The following C19orf67 variants were observed in gnomAD, a reference collection of about 807,000 sequenced individuals.
C19orf67 encodes UPF0575 protein C19orf67.
A neutral mutation model predicts 41.4 loss-of-function variants in C19orf67; 28 were observed. The ratio of observed to expected loss-of-function variants is 0.68; its 90% CI spans 0.50 to 0.93. The LOEUF is 0.93. Ranked by LOEUF, C19orf67 falls within the 40% of genes least tolerant of loss-of-function variation. C19orf67 has a pLI of 0.00. For synonymous variants in C19orf67, 242 were observed against 203.4 expected (o/e 1.19, Z -1.62); for missense variants, 421 against 467.0 (o/e 0.90, Z 0.91).
Position 14,081,767 on chromosome 19 carries a change from C to CCCT in C19orf67, c.*64_*66dup. ...GGCTGCACTGCGAGAACGAGTGAGC[C>CCCT]CCTCCCCTGCCCCCTATTCTGGAGT... On this transcript the variant is annotated 3_prime_UTR_variant, in exon 6 of 6. Coordinates refer to ENST00000548523, the MANE Select transcript of C19orf67 (RefSeq NM_001277378.2). 1 of 1,306,784 alleles carries CCCT rather than the reference C, an allele frequency of 7.7e-7. No homozygotes were observed. The highest frequency in any genetic ancestry group is 2.1e-4 in the Middle Eastern group (1 of 4,718). 80.9% of individuals were successfully genotyped at this position (1,306,784 alleles called of 1,614,324 possible).
chr19:14,083,614 AAG>A lies in C19orf67; in HGVS notation c.481-11_481-10del. 6 of 1,535,642 alleles carry A rather than the reference AAG, an allele frequency of 3.9e-6. No homozygotes were observed. The highest frequency in any genetic ancestry group is 1.2e-5 in the South Asian group (1 of 84,048). On this transcript the variant is annotated splice_polypyrimidine_tract_variant and intron_variant, in intron 2 of 5. Transcript: ENST00000548523. The stretch of plus-strand genomic sequence containing the variant: ...TGGGAGATCTCTAACAGCTGCATAC[AAG>A]AGGGGGGTACAGTGAGATCAGCTGG...
intron 4 of C19orf67, 145 bp downstream of exon 4, chr19:14,083,092 C>T (rs1036968088): frequency 4.1e-5 from 28 of 682,178 alleles, no homozygotes; most frequent in Non-Finnish European, 6.4e-5. Context: ...CCTCCTGCCT[C>T]GGCCTCCCAA....
chr19:14,083,154 C>A, intron 4 of C19orf67, 83 bp downstream of exon 4: 3 of 1,287,054 alleles, frequency 2.3e-6, no homozygotes, highest in East Asian at 2.6e-5. Flanking sequence ...GCTCACTTTT[C>A]ACTTTGCTGG....
At position 14,085,688 on chromosome 19, in the gene C19orf67, G is replaced by C; in HGVS notation, c.-61C>G. 1 of 1,323,180 alleles carries C rather than the reference G, an allele frequency of 7.6e-7. No individual in the cohort carries two copies. The highest frequency in any genetic ancestry group is 1.0e-6 in the Non-Finnish European group (1 of 960,386). 82.0% of individuals were successfully genotyped at this position (1,323,180 alleles called of 1,614,324 possible). On this transcript the variant is annotated 5_prime_UTR_variant, in exon 1 of 6. Transcript: ENST00000548523. ...GCTTCCGCTGCTGCTCAGGTTGGCC[G>C]CGGGTTCGACCCCGCCCCGGGAGCC...
At position 14,081,758 on chromosome 19, in the gene C19orf67, C is replaced by G. The variant is rs925952691; in HGVS notation, c.*76G>C. On this transcript the variant is annotated 3_prime_UTR_variant, in exon 6 of 6. Coordinates refer to ENST00000548523, the MANE Select transcript of C19orf67 (RefSeq NM_001277378.2). Reference sequence around the variant, plus strand: ...GCGAGGCCGGGCTGCACTGCGAGAACGAGTGAGCCCCTCCCCTGCCCCCTA... The same window carrying G: ...GCGAGGCCGGGCTGCACTGCGAGAAGGAGTGAGCCCCTCCCCTGCCCCCTA... 10 of 1,266,564 alleles carry G rather than the reference C, an allele frequency of 7.9e-6. No individual in the cohort carries two copies. The African/African-American group carries it at 1.4e-4, about 18-fold the overall frequency. The allele number at this position is 1,266,564 out of a possible 1,614,324, so 78.5% of individuals were successfully genotyped here.
intron 1 of C19orf67, among the ~76,000 whole-genome samples, chr19:14,084,560 C>T (rs537157438): frequency 2.6e-5 from 4 of 151,592 alleles, no homozygotes; most frequent in South Asian, 2.1e-4. Flanking sequence ...CGGGTAGGCG[C>T]GGTGGCTCAC....
chr19:14,083,460 C>G (rs1599321816), intron 3 of C19orf67, 38 bp from the exon 4 acceptor site: 1 of 1,532,362 alleles, frequency 6.5e-7, no homozygotes, highest in Non-Finnish European at 8.7e-7. Flanking sequence ...TGAGGCTGGG[C>G]CTTGGACTCC....
At chr19:14,082,777 T>G (rs933664739) in intron 4 of C19orf67, among the ~76,000 whole-genome samples, 174 bp from the exon 5 acceptor site, 4 of 152,194 alleles carry the variant, frequency 2.6e-5, no homozygotes, top group African/African-American at 9.6e-5. Context: ...GATGAGAACT[T>G]TTATTTTGGT....
In C19orf67 at chr19:14,083,848, G is replaced by A; in HGVS notation, c.365C>T (p.Ala122Val). The A allele has an allele frequency of 7.2e-7, 1 of 1,382,100 alleles. No homozygotes were observed. Among genetic ancestry groups the A allele is most frequent in the Non-Finnish European group, 9.4e-7 (1 of 1,067,790 alleles). The allele number at this position is 1,382,100 out of a possible 1,614,324, so 85.6% of individuals were successfully genotyped here. ...SRDQVQKEQL[A>V]KAMPTFLQMC... is the part of the protein sequence containing the mutation. Reference sequence around the variant, plus strand: ...CTGTAAGAAGGTGGGCATGGCCTTGGCCAGCTGCTCCTTCTGTACTTGGTC... The same window carrying A: ...CTGTAAGAAGGTGGGCATGGCCTTGACCAGCTGCTCCTTCTGTACTTGGTC... Residue 122 changes from alanine to valine, a missense_variant, in exon 2 of 6, where the codon GCC (alanine) becomes GTC (valine). Physicochemically the swap from Ala to Val is moderately conservative, Grantham distance 64 (BLOSUM62 0). Coordinates refer to ENST00000548523, the MANE Select transcript of C19orf67 (RefSeq NM_001277378.2).
rs899849706 is a variant in C19orf67 at position 14,085,697 on chromosome 19, A to C, written c.-70T>G. ...GCTGCTCAGGTTGGCCGCGGGTTCG[A>C]CCCCGCCCCGGGAGCCTCCGACTGG... is the stretch of plus-strand genomic sequence containing the variant. On this transcript the variant is annotated 5_prime_UTR_variant, in exon 1 of 6. Transcript: ENST00000548523. 2 of 1,205,606 alleles carry C rather than the reference A, an allele frequency of 1.7e-6. No homozygotes were observed. The highest frequency in any genetic ancestry group is 2.1e-5 in the Admixed American group (1 of 46,600). The allele number at this position is 1,205,606 out of a possible 1,614,324, so 74.7% of individuals were successfully genotyped here.
chr19:14,081,769 C>T lies in C19orf67; in HGVS notation c.*65G>A. The T allele has an allele frequency of 7.5e-7, 1 of 1,331,230 alleles. No individual in the cohort carries two copies. Among genetic ancestry groups the T allele is most frequent in the Non-Finnish European group, 9.9e-7 (1 of 1,010,106 alleles). The allele number at this position is 1,331,230 out of a possible 1,614,324, so 82.5% of individuals were successfully genotyped here. On this transcript the variant is annotated 3_prime_UTR_variant, in exon 6 of 6. Transcript: ENST00000548523. ...CTGCACTGCGAGAACGAGTGAGCCCCTCCCCTGCCCCCTATTCTGGAGTTT... is the reference window on the plus strand; with the variant it reads ...CTGCACTGCGAGAACGAGTGAGCCCTTCCCCTGCCCCCTATTCTGGAGTTT...
rs1976843914 is a variant in C19orf67, at chr19:14,085,544, C to T, written c.84G>A (p.Thr28=). The T allele has an allele frequency of 9.8e-6, 15 of 1,535,144 alleles. No individual in the cohort carries two copies. The East Asian group carries it at 2.9e-4, about 30-fold the overall frequency. ...TPPPDALEPG[T]PPCGDPSRST... Reference sequence around the variant, plus strand: ...ACCTGGAGGGGTCTCCGCAGGGCGGCGTCCCAGGTTCCAAGGCGTCTGGAG... The same window carrying T: ...ACCTGGAGGGGTCTCCGCAGGGCGGTGTCCCAGGTTCCAAGGCGTCTGGAG... The change falls in exon 1 of 6, where the codon ACG becomes ACA. Residue 28 remains threonine, a synonymous_variant. Transcript: ENST00000548523.
At position 14,085,695 on chromosome 19, in the gene C19orf67, C is replaced by G; in HGVS notation, c.-68G>C. On this transcript the variant is annotated 5_prime_UTR_variant, in exon 1 of 6. Coordinates refer to ENST00000548523, the MANE Select transcript of C19orf67 (RefSeq NM_001277378.2). ...CTGCTGCTCAGGTTGGCCGCGGGTT[C>G]GACCCCGCCCCGGGAGCCTCCGACT... 1 of 1,214,792 alleles carries G rather than the reference C, an allele frequency of 8.2e-7. No homozygotes were observed. Among genetic ancestry groups the G allele is most frequent in the African/African-American group, 1.5e-5 (1 of 66,446 alleles). 75.3% of individuals were successfully genotyped at this position (1,214,792 alleles called of 1,614,324 possible). A position where few individuals can be genotyped will look rare whatever the true frequency, so the allele number is the denominator to read the frequency against.
chr19:14,085,355 G>A lies in C19orf67; in HGVS notation c.273C>T (p.Ile91=), dbSNP rs1490332909. Residue 91 remains isoleucine, a synonymous_variant, in exon 1 of 6, where the codon ATC becomes ATT. Transcript: ENST00000548523. ...RLSLDTLFSP[I]TQQLRYLLKK... ...TCAGTAGGTAGCGCAGCTGTTGGGT[G>A]ATGGGGCTGAACAAAGTGTCCAGGG... 1.3e-6 allele frequency: 2 copies of A among 1,536,234 alleles called. No homozygotes were observed. The highest frequency in any genetic ancestry group is 1.2e-5 in the South Asian group (1 of 84,068).
At position 14,085,327 on chromosome 19, in the gene C19orf67, T is replaced by C. The variant is rs1976837036; in HGVS notation, c.301A>G (p.Lys101Glu). 1 of 1,536,174 alleles carries C rather than the reference T, an allele frequency of 6.5e-7. No homozygotes were observed. Among genetic ancestry groups the C allele is most frequent in the Non-Finnish European group, 8.7e-7 (1 of 1,146,918 alleles). ...AAGTAGCTCTGGAAATCATCTGCCT[T>C]CTTCAGTAGGTAGCGCAGCTGTTGG... Reference protein sequence around the residue: ...ITQQLRYLLKKADDFQSYLLY... With the variant: ...ITQQLRYLLKEADDFQSYLLY... The change falls in exon 1 of 6, where the codon AAG becomes GAG. Residue 101 changes from lysine (K) to glutamate (E), a missense_variant. Lys to Glu is a moderately conservative substitution (Grantham distance 56). Transcript: ENST00000548523.
In C19orf67 at chr19:14,083,798, G is replaced by A. The variant is rs936144691; in HGVS notation, c.415C>T (p.Leu139=). ...LQMCEPYFLY[L]EAAARSIPPI... is the part of the protein sequence containing the mutation. ...GGTATGCTTCTCGCGGCTGCCTCCA[G>A]GTACAGGAAGTAGGGCTCACACATC... The change falls in exon 2 of 6, where the codon CTG becomes TTG. Residue 139 remains leucine, a synonymous_variant. Transcript: ENST00000548523. 10 of 1,421,230 alleles carry A rather than the reference G, an allele frequency of 7.0e-6. No individual in the cohort carries two copies. The highest frequency in any genetic ancestry group is 9.2e-6 in the Non-Finnish European group (10 of 1,089,150). 88.0% of individuals were successfully genotyped at this position (1,421,230 alleles called of 1,614,324 possible).
intron 2 of C19orf67, 27 bp from the exon 3 acceptor site, chr19:14,083,632 G>C: frequency 6.5e-7 from 1 of 1,533,834 alleles, no homozygotes; most frequent in Non-Finnish European, 8.7e-7. Flanking sequence ...GGTACAGTGA[G>C]ATCAGCTGGC....
In C19orf67 at chr19:14,083,430, G is replaced by C; in HGVS notation, c.582-8C>G. 2.0e-6 allele frequency: 3 copies of C among 1,531,002 alleles called. No individual in the cohort carries two copies. The highest frequency in any genetic ancestry group is 2.6e-6 in the Non-Finnish European group (3 of 1,143,044). 94.8% of individuals were successfully genotyped at this position (1,531,002 alleles called of 1,614,324 possible). On this transcript the variant is annotated splice_polypyrimidine_tract_variant and splice_region_variant and intron_variant, in intron 3 of 5. Coordinates refer to ENST00000548523, the MANE Select transcript of C19orf67 (RefSeq NM_001277378.2). The stretch of plus-strand genomic sequence containing the variant: ...CAAAAGAAACAGGAGATGCTGGCGA[G>C]ACATGAGAGAATGGAGGGGTGAGGC...
intron 1 of C19orf67, among the ~76,000 whole-genome samples, chr19:14,084,124 G>A (rs11668412): frequency 0.16 from 23,966 of 152,148 alleles, 2,485 homozygotes; most frequent in Middle Eastern, 0.28. Context: ...GGGTCTGGGC[G>A]CAGTGGCTCA....
Sources: allele counts gnomAD v4.1 joint callset (sites outside exome capture counted in the v4.1 genomes callset), GRCh38; gene constraint gnomAD v4.1.1; transcripts MANE v1.5; gene names NCBI Gene and HGNC (gene_info 2026-07-23, HGNC 2026-07-21).